The following POLL variants were observed in gnomAD, a reference collection of about 807,000 sequenced individuals.
POLL encodes DNA polymerase beta-2.
In POLL, 44 loss-of-function variants were observed where a neutral mutation model predicts 58.1. The ratio of observed to expected loss-of-function variants is 0.76; its 90% CI spans 0.60 to 0.97. The LOEUF (loss-of-function observed/expected upper bound fraction) is 0.97. Among genes scored for constraint, POLL ranks in the 50% least tolerant of loss-of-function variants. The pLI is 0.00. For missense variants in POLL, 632 were observed against 736.8 expected, an observed-to-expected ratio of 0.86 and a Z score of 1.65; for synonymous variants, 290 against 283.2, an observed-to-expected ratio of 1.02 and a Z score of -0.24.
At chr10:101,584,524 C>T in intron 5 of POLL, 78 bp downstream of exon 5, 1 of 1,042,646 alleles carries the variant, frequency 9.6e-7, no homozygotes, top group Non-Finnish European at 1.4e-6. Context: ...AAAATCTTCA[C>T]CACTGTACCT....
rs748483164 is a variant in POLL at position 101,584,788 on chromosome 10, G to A, written c.705C>T (p.Val235=). Residue 235 remains valine (V), a synonymous_variant, in exon 5 of 9, where the codon GTC becomes GTT. Transcript: ENST00000370162. ...GCTGTGCACAGACCCACTTATCCAG[G>A]ACAGCAGGGGCTGGGCTAGGCTCAC... ...GDCEPSPAPA[V]LDKWVCAQPS... The A allele has an allele frequency of 1.7e-5, 28 of 1,608,726 alleles. No individual in the cohort carries two copies. The highest frequency in any genetic ancestry group is 2.3e-5 in the Non-Finnish European group (27 of 1,176,898).
intron 2 of POLL, 143 bp downstream of exon 2, chr10:101,587,103 A>C: frequency 6.3e-7 from 1 of 1,587,534 alleles, no homozygotes; most frequent in African/African-American, 1.3e-5. Context: ...AGCTTAGCAC[A>C]AGGTAGATAC....
intron 2 of POLL, chr10:101,586,979 C>CA: frequency 1.9e-6 from 1 of 520,802 alleles, no homozygotes; most frequent in East Asian, 4.5e-5. Flanking sequence ...GTCCTCAGGG[C>CA]AAAAATTATA....
chr10:101,582,974 A>G (rs1589675101), intron 6 of POLL, 83 bp from the exon 7 acceptor site: 4 of 1,556,496 alleles, frequency 2.6e-6, no homozygotes, highest in Non-Finnish European at 3.5e-6. Flanking sequence ...CAAGGCTTCC[A>G]TCGCCCCAGA....
At chr10:101,584,947 T>C (rs775192554) in intron 4 of POLL, 28 bp from the exon 5 acceptor site, 5 of 1,316,684 alleles carry the variant, frequency 3.8e-6, no homozygotes, top group Non-Finnish European at 4.9e-6. Context: ...AAGAAAACAA[T>C]AAATTCTTGT....
chr10:101,582,646 T>G, intron 7 of POLL, 117 bp downstream of exon 7: 1 of 1,059,148 alleles, frequency 9.4e-7, no homozygotes, highest in Non-Finnish European at 1.4e-6. Context: ...CCTCTGGTGA[T>G]CCACAGTTTC....
At chr10:101,585,623 G>C in intron 3 of POLL, 145 bp from the exon 4 acceptor site, 2 of 803,420 alleles carry the variant, frequency 2.5e-6, no homozygotes, top group South Asian at 4.8e-5. Flanking sequence ...TTTCTCTTGA[G>C]ACAGGGTCTT....
At chr10:101,582,605 G>A (rs1199183605) in intron 7 of POLL, among the ~76,000 whole-genome samples, 158 bp downstream of exon 7, 2 of 152,064 alleles carry the variant, frequency 1.3e-5, no homozygotes, top group African/African-American at 4.8e-5. Context: ...TCTGGGCCTG[G>A]AGCTTCAGTC....
At chr10:101,584,068 A>G (rs1357636811) in intron 5 of POLL, among the ~76,000 whole-genome samples, 2 of 152,214 alleles carry the variant, frequency 1.3e-5, no homozygotes, top group Non-Finnish European at 2.9e-5. Flanking sequence ...TTTACTAATG[A>G]GAAAACTGAT....
Position 101,584,788 on chromosome 10 carries a change from G to T in POLL, c.705C>A (p.Val235=). 1.2e-6 allele frequency: 2 copies of T among 1,608,844 alleles called. No individual in the cohort carries two copies. Among genetic ancestry groups the T allele is most frequent in the South Asian group, 1.1e-5 (1 of 90,386 alleles). The change falls in exon 5 of 9, where the codon GTC becomes GTA. Residue 235 remains valine (V), a synonymous_variant. Coordinates refer to ENST00000370162, the MANE Select transcript of POLL (RefSeq NM_001174084.2). ...GDCEPSPAPA[V]LDKWVCAQPS... Reference sequence around the variant, plus strand: ...GCTGTGCACAGACCCACTTATCCAGGACAGCAGGGGCTGGGCTAGGCTCAC... The same window carrying T: ...GCTGTGCACAGACCCACTTATCCAGTACAGCAGGGGCTGGGCTAGGCTCAC...
chr10:101,585,441 CCTGCT>C lies in POLL; in HGVS notation c.443_447del (p.Glu148GlyfsTer10), dbSNP rs1235628662. 6.3e-7 allele frequency: 1 copy of C among 1,589,654 alleles called. No homozygotes were observed. The highest frequency in any genetic ancestry group is 1.8e-5 in the Admixed American group (1 of 55,922). ...TGGGTGCCAGGAGGAATAGAAGCAT[CCTGCT>C]CTGCCTTGCTGGGCTGTGGATGGTC... On this transcript the variant is annotated frameshift_variant, in exon 4 of 9. Transcript: ENST00000370162. LOFTEE classifies it high-confidence loss of function.
rs750082153 is a variant in POLL, at chr10:101,586,127, C to T, written c.145G>A (p.Val49Met). The change falls in exon 3 of 9, where the codon GTG (valine) becomes ATG (methionine). Residue 49 changes from valine to methionine, a missense_variant. Val to Met is a conservative substitution (Grantham distance 21). Coordinates refer to ENST00000370162, the MANE Select transcript of POLL (RefSeq NM_001174084.2). The stretch of plus-strand genomic sequence containing the variant: ...CGGGCTCGTCCAATGCCAGTGCGCA[C>T]AACATGGGCCCGAAGGGAGCTCAGC... Reference protein sequence around the residue: ...EWLSSLRAHVVRTGIGRARAE... With the variant: ...EWLSSLRAHVMRTGIGRARAE... The T allele has an allele frequency of 4.3e-6, 7 of 1,613,352 alleles. No homozygotes were observed. The East Asian group carries it at 1.3e-4, about 31-fold the overall frequency.
rs2062854085 is a variant in POLL at position 101,579,498 on chromosome 10, C to G, written c.1683G>C (p.Arg561Ser). The G allele has an allele frequency of 4.3e-6, 7 of 1,613,170 alleles. No individual in the cohort carries two copies. The highest frequency in any genetic ancestry group is 5.9e-6 in the Non-Finnish European group (7 of 1,179,860). The change falls in exon 9 of 9, where the codon AGG becomes AGC. Residue 561 changes from arginine to serine, a missense_variant. Transcript: ENST00000370162. This position sits in a 1 kb window ranked among gnomAD's most constrained non-coding sequence, Gnocchi z 4.4. The part of the protein sequence containing the change: ...LPTPTEKDVF[R>S]LLGLPYREPA... Reference sequence around the variant, plus strand: ...GTTCTCGGTAGGGGAGGCCTAAGAGCCTGAAGACATCCTTCTCAGTGGGAG... The same window carrying G: ...GTTCTCGGTAGGGGAGGCCTAAGAGGCTGAAGACATCCTTCTCAGTGGGAG...
chr10:101,586,088 CAA>C lies in POLL; in HGVS notation c.182_183del (p.Phe61Ter), dbSNP rs756068002. 1 of 1,614,020 alleles carries C rather than the reference CAA, an allele frequency of 6.2e-7. No individual in the cohort carries two copies. Among genetic ancestry groups the C allele is most frequent in the Non-Finnish European group, 8.5e-7 (1 of 1,180,038 alleles). ...CCGCCATGCTGAACAATCTGCTTCT[CAA>C]AGAGTTCTGCCCGGGCTCGTCCAAT... ...TGIGRARAEL[F>X]EKQIVQHGGQ... On this transcript the variant is annotated frameshift_variant, in exon 3 of 9. Transcript: ENST00000370162. LOFTEE classifies it high-confidence loss of function.
In POLL at chr10:101,580,263, T is replaced by G; in HGVS notation, c.1348A>C (p.Ser450Arg). ...HRGIFSRLLD[S>R]LRQEGFLTDD... The stretch of plus-strand genomic sequence containing the variant: ...GAGCTTATACCTTCCTGCCGAAGAC[T>G]GTCAAGGAGGCGGCTGAAGATACCC... Residue 450 changes from serine to arginine, a missense_variant, in exon 8 of 9, where the codon AGT (serine) becomes CGT (arginine). Coordinates refer to ENST00000370162, the MANE Select transcript of POLL (RefSeq NM_001174084.2). The surrounding 1 kb of genome is among the most constrained non-coding windows in gnomAD (Gnocchi z 4.1). The G allele has an allele frequency of 6.2e-7, 1 of 1,613,846 alleles. No homozygotes were observed.
In POLL at chr10:101,587,374, G is replaced by A. The variant is rs557517331; in HGVS notation, c.-14C>T. 6.2e-7 allele frequency: 1 copy of A among 1,613,942 alleles called. No individual in the cohort carries two copies. Among genetic ancestry groups the A allele is most frequent in the East Asian group, 2.2e-5 (1 of 44,878 alleles). Reference sequence around the variant, plus strand: ...CCTGGGATCCATTGAAGTATGGCTGGATCCCGGCCTATTGGAGCGTTGGTC... The same window carrying A: ...CCTGGGATCCATTGAAGTATGGCTGAATCCCGGCCTATTGGAGCGTTGGTC... On this transcript the variant is annotated 5_prime_UTR_variant, in exon 2 of 9. Coordinates refer to ENST00000370162, the MANE Select transcript of POLL (RefSeq NM_001174084.2).
At chr10:101,583,420 A>G in intron 6 of POLL, 88 bp downstream of exon 6, 1 of 1,419,566 alleles carries the variant, frequency 7.0e-7, no homozygotes. Context: ...AGCACAGCAT[A>G]GGGATCTGGG....
At chr10:101,586,264 TC>T in intron 2 of POLL, 108 bp from the exon 3 acceptor site, 1 of 941,378 alleles carries the variant, frequency 1.1e-6, no homozygotes, top group Non-Finnish European at 1.6e-6. Flanking sequence ...GTGTTCACAG[TC>T]CCCTACCCTG....
At chr10:101,582,662 C>A in intron 7 of POLL, 101 bp downstream of exon 7, 3 of 1,234,756 alleles carry the variant, frequency 2.4e-6, no homozygotes, top group South Asian at 1.3e-5. Flanking sequence ...GTTTCCTCTG[C>A]CTGCTGTCCT....
Sources: gnomAD v4.1 joint callset for allele counts (sites outside exome capture counted in the v4.1 genomes callset) on GRCh38, gnomAD v4.1.1 for gene constraint, Gnocchi (gnomAD v3.1) non-coding constraint, MANE v1.5 for transcripts, NCBI Gene and HGNC (gene_info 2026-07-23, HGNC 2026-07-21) for gene names.